The following ORC5 variants were observed in gnomAD, a reference collection of about 807,000 sequenced individuals.
ORC5 encodes origin recognition complex subunit 5.
A neutral mutation model predicts 58.8 loss-of-function variants in ORC5; 39 were observed. That is an observed-to-expected ratio of 0.66 (90% CI 0.51 to 0.87). The LOEUF (loss-of-function observed/expected upper bound fraction) is 0.87. Among genes scored for constraint, ORC5 ranks in the 40% least tolerant of loss-of-function variants. The pLI, the probability that ORC5 is intolerant of heterozygous loss-of-function variation, is 0.00. For synonymous variants in ORC5, 218 were observed against 177.6 expected (o/e 1.23, Z -1.81); for missense variants, 493 against 506.3 (o/e 0.97, Z 0.25).
intron 4 of ORC5, among the ~76,000 whole-genome samples, chr7:104,197,248 T>C (rs948913770): frequency 5.9e-5 from 9 of 152,192 alleles, no homozygotes; most frequent in African/African-American, 1.7e-4. Flanking sequence ...AAGAATCTAC[T>C]GAGATGTTAA....
At chr7:104,150,377 C>A (rs1178871291) in intron 12 of ORC5, among the ~76,000 whole-genome samples, 1 of 151,968 alleles carries the variant, frequency 6.6e-6, no homozygotes, top group Non-Finnish European at 1.5e-5. Context: ...CCAACAAGCA[C>A]CACATTTGAT....
chr7:104,137,609 T>C (rs1334049896), intron 12 of ORC5, among the ~76,000 whole-genome samples: 1 of 151,722 alleles, frequency 6.6e-6, no homozygotes, highest in Non-Finnish European at 1.5e-5. Flanking sequence ...GGCTGGACGT[T>C]AAGAGGAATA....
At chr7:104,137,842 A>G (rs1170056185) in intron 12 of ORC5, among the ~76,000 whole-genome samples, 1 of 152,158 alleles carries the variant, frequency 6.6e-6, no homozygotes, top group African/African-American at 2.4e-5. Context: ...TCATTTTCCA[A>G]GCCCACATTT....
At chr7:104,199,142 G>A (rs1799871630) in intron 3 of ORC5, among the ~76,000 whole-genome samples, 1 of 145,686 alleles carries the variant, frequency 6.9e-6, no homozygotes, top group Admixed American at 7.0e-5. Flanking sequence ...CAGTACAGAA[G>A]GGGAATGTGG....
intron 12 of ORC5, among the ~76,000 whole-genome samples, chr7:104,137,574 G>A (rs897771431): frequency 1.3e-5 from 2 of 152,032 alleles, no homozygotes; most frequent in Non-Finnish European, 2.9e-5. Context: ...AAAACCCCGA[G>A]ACCCTAGCAG....
At chr7:104,135,954 T>C (rs78767246) in intron 13 of ORC5, among the ~76,000 whole-genome samples, 7,046 of 152,280 alleles carry the variant, frequency 0.046, 215 homozygotes, top group Middle Eastern at 0.099. Context: ...TCCTGACAGA[T>C]TGTTATCCAG....
At chr7:104,141,107 GATCT>G (rs1798666488) in intron 12 of ORC5, among the ~76,000 whole-genome samples, 1 of 152,152 alleles carries the variant, frequency 6.6e-6, no homozygotes, top group Non-Finnish European at 1.5e-5. Flanking sequence ...AGAAAGTGCA[GATCT>G]AACAGATGTA....
chr7:104,204,026 A>G (rs1326369820), intron 2 of ORC5, 116 bp downstream of exon 2: 1 of 530,256 alleles, frequency 1.9e-6, no homozygotes, highest in African/African-American at 1.9e-5. Context: ...TAATATGGGA[A>G]GGAGAGTAAT....
intron 7 of ORC5, 41 bp downstream of exon 7, chr7:104,184,082 T>G (rs1403971943): frequency 6.3e-7 from 1 of 1,588,456 alleles, no homozygotes. Flanking sequence ...TGTAAAAACC[T>G]TTCTCAAAAT....
chr7:104,207,894 A>C lies in ORC5; in HGVS notation c.11T>G (p.Leu4Trp). The C allele has an allele frequency of 6.2e-7, 1 of 1,614,172 alleles. No homozygotes were observed. Among genetic ancestry groups the C allele is most frequent in the Non-Finnish European group, 8.5e-7 (1 of 1,180,006 alleles). The change falls in exon 1 of 14, where the codon TTG (leucine) becomes TGG (tryptophan). Residue 4 changes from leucine (L) to tryptophan (W), a missense_variant. Around this residue, in one of 3 missense-constraint regions of ORC5, gnomAD observed 412 missense variants for 403.7 expected, o/e 1.02. Coordinates refer to ENST00000297431, the MANE Select transcript of ORC5 (RefSeq NM_002553.4). MPH[L>W]ENVVLCRESQ... ...CTCGCGACAAAGCACCACGTTTTCC[A>C]AGTGGGGCATTCTGGCAGGCACCAC...
Position 104,168,504 on chromosome 7 carries a change from C to T in ORC5, c.846G>A (p.Gln282=). The part of the protein sequence containing the change: ...EISSSQWEKL[Q]KDDTDPGQLK... ...GTTGCCCCGGATCTGTGTCATCTTTCTGTAGCTTTTCCCACTGGGAACTGA... is the reference window on the plus strand; with the variant it reads ...GTTGCCCCGGATCTGTGTCATCTTTTTGTAGCTTTTCCCACTGGGAACTGA... The change falls in exon 9 of 14, where the codon CAG becomes CAA. Residue 282 remains glutamine (Q), a synonymous_variant. Coordinates refer to ENST00000297431, the MANE Select transcript of ORC5 (RefSeq NM_002553.4). The T allele has an allele frequency of 1.9e-6, 3 of 1,579,480 alleles. No individual in the cohort carries two copies. The highest frequency in any genetic ancestry group is 1.7e-6 in the Non-Finnish European group (2 of 1,166,494).
At chr7:104,207,016 C>T (rs3779516) in intron 1 of ORC5, among the ~76,000 whole-genome samples, 30,529 of 152,054 alleles carry the variant, frequency 0.2, 3,239 homozygotes, top group African/African-American at 0.26. Context: ...ATCCCCCTCA[C>T]TAAGTGGCAG....
rs182569040 is a variant in ORC5, at chr7:104,172,465, T to C, written c.825-3940A>G. Among the ~76,000 whole-genome samples, 205 of 152,316 alleles carry C rather than the reference T, an allele frequency of 1.3e-3. 2 individuals carry two copies. The highest frequency in any genetic ancestry group is 4.5e-3 in the African/African-American group (188 of 41,574). ...AACTACCAAATTTTTACCTGAATTATAGGCTAATCAGTTAATTAAACTGAA... is the reference window on the plus strand; with the variant it reads ...AACTACCAAATTTTTACCTGAATTACAGGCTAATCAGTTAATTAAACTGAA... On this transcript the variant is annotated intron_variant, in intron 8 of 13. Coordinates refer to ENST00000297431, the MANE Select transcript of ORC5 (RefSeq NM_002553.4).
intron 8 of ORC5, among the ~76,000 whole-genome samples, chr7:104,179,794 T>C (rs143465680): frequency 6.6e-6 from 1 of 152,356 alleles, no homozygotes; most frequent in African/African-American, 2.4e-5. Flanking sequence ...CTCAGAAGTT[T>C]AATGTTTGCT....
intron 1 of ORC5, among the ~76,000 whole-genome samples, chr7:104,207,392 G>C (rs1052794050): frequency 3.9e-5 from 6 of 152,144 alleles, no homozygotes; most frequent in Non-Finnish European, 8.8e-5. Flanking sequence ...CTGAAGCACT[G>C]CTTTGGCCCT....
At chr7:104,180,770 GT>G (rs1242012030) in intron 8 of ORC5, among the ~76,000 whole-genome samples, 1 of 152,138 alleles carries the variant, frequency 6.6e-6, no homozygotes, top group Non-Finnish European at 1.5e-5. Context: ...TTTAATATCA[GT>G]GTAAAATTAC....
intron 5 of ORC5, among the ~76,000 whole-genome samples, chr7:104,190,427 T>C (rs1799649159): frequency 2.0e-5 from 3 of 152,146 alleles, no homozygotes; most frequent in African/African-American, 7.2e-5. Context: ...ACTTTGTTAT[T>C]CCCCCTTGTA....
Position 104,168,650 on chromosome 7 carries a change from T to C in ORC5, c.825-125A>G, listed in dbSNP as rs571836878. 8.0e-6 allele frequency: 4 copies of C among 497,462 alleles called. No homozygotes were observed. The South Asian group carries it at 1.5e-4, about 18-fold the overall frequency. The allele number at this position is 497,462 out of a possible 1,614,324, so 30.8% of individuals were successfully genotyped here. On this transcript the variant is annotated intron_variant, in intron 8 of 13. Transcript: ENST00000297431. Reference sequence around the variant, plus strand: ...TAACAAAACAGAAAAGAAAAATATATACATGCAATAAACATGTTTGTACCT... The same window carrying C: ...TAACAAAACAGAAAAGAAAAATATACACATGCAATAAACATGTTTGTACCT...
chr7:104,189,508 C>A (rs916174745), intron 5 of ORC5, among the ~76,000 whole-genome samples: 1 of 151,950 alleles, frequency 6.6e-6, no homozygotes, highest in Admixed American at 6.6e-5. Context: ...ATATCAAGGC[C>A]CCACCTCCTG....
Sources: allele counts gnomAD v4.1 joint callset (sites outside exome capture counted in the v4.1 genomes callset), GRCh38; gene constraint gnomAD v4.1.1; regional missense constraint gnomAD v4.1.1; transcripts MANE v1.5; gene names NCBI Gene and HGNC (gene_info 2026-07-23, HGNC 2026-07-21).